Variants in RPGRIP1L observed in about 807,000 individuals in gnomAD.
RPGRIP1L encodes the protein RPGRIP1 like.
Under a neutral mutation model 160.4 loss-of-function variants are expected in RPGRIP1L, and 131 were observed. That is an observed-to-expected ratio of 0.82 (90% confidence interval 0.71 to 0.94). The LOEUF (loss-of-function observed/expected upper bound fraction) is 0.94. Ranked by LOEUF, RPGRIP1L falls within the 40% of genes least tolerant of loss-of-function variation. The pLI is 0.00. For missense variants in RPGRIP1L, 1,522 were observed against 1,535.8 expected, an observed-to-expected ratio of 0.99 and a Z score of 0.15; for synonymous variants, 510 against 515.8, an observed-to-expected ratio of 0.99 and a Z score of 0.15.
At chr16:53,608,164 C>T (rs1963802883) in intron 25 of RPGRIP1L, among the ~76,000 whole-genome samples, 2 of 152,160 alleles carry the variant, frequency 1.3e-5, no homozygotes, top group African/African-American at 4.8e-5. Flanking sequence ...ACACATCTCT[C>T]TATACTCCTT....
chr16:53,605,773 G>A (rs537866091), intron 25 of RPGRIP1L, among the ~76,000 whole-genome samples, 159 bp from the exon 26 acceptor site: 1 of 152,288 alleles, frequency 6.6e-6, no homozygotes, highest in East Asian at 1.9e-4. Context: ...GTTATTATAT[G>A]AACTATTAGA....
chr16:53,670,926 C>T (rs1968663969), intron 9 of RPGRIP1L, among the ~76,000 whole-genome samples: 1 of 152,016 alleles, frequency 6.6e-6, no homozygotes, highest in Non-Finnish European at 1.5e-5. Context: ...AAGAACTCGT[C>T]ACTACCAAAA....
At chr16:53,693,925 A>T (rs917561617) in intron 3 of RPGRIP1L, 2 of 152,236 alleles carry the variant, frequency 1.3e-5, no homozygotes, top group Non-Finnish European at 2.9e-5. Context: ...GATTTAATAT[A>T]AAAAGGCAGT....
At chr16:53,608,187 TC>T (rs1169842178) in intron 25 of RPGRIP1L, among the ~76,000 whole-genome samples, 1 of 152,330 alleles carries the variant, frequency 6.6e-6, no homozygotes, top group East Asian at 1.9e-4. Flanking sequence ...TGCCTGGAGT[TC>T]CCTTTGCCCG....
intron 17 of RPGRIP1L, among the ~76,000 whole-genome samples, chr16:53,642,695 G>C (rs1201372110): frequency 6.6e-6 from 1 of 152,160 alleles, no homozygotes. Context: ...AGTAAGAACA[G>C]TAGGAATCTG....
At chr16:53,603,107 T>C (rs998585652) in intron 26 of RPGRIP1L, among the ~76,000 whole-genome samples, 11 of 152,082 alleles carry the variant, frequency 7.2e-5, no homozygotes, top group African/African-American at 2.7e-4. Flanking sequence ...TCCCCAAGTG[T>C]TAGGATTAGA....
intron 8 of RPGRIP1L, among the ~76,000 whole-genome samples, chr16:53,672,293 GA>G (rs902270136): frequency 2.0e-5 from 3 of 151,938 alleles, no homozygotes; most frequent in Admixed American, 6.6e-5. Context: ...TCCATTTTCA[GA>G]ATTCTCTTTT....
At chr16:53,653,257 A>C in intron 14 of RPGRIP1L, 9 of 895,140 alleles carry the variant, frequency 1.0e-5, no homozygotes, top group Non-Finnish European at 1.1e-5. Context: ...AAAAGAAGAA[A>C]AGCGCTCTTA....
At chr16:53,700,594 C>T in intron 2 of RPGRIP1L, 45 bp downstream of exon 2, 2 of 1,410,680 alleles carry the variant, frequency 1.4e-6, no homozygotes, top group Non-Finnish European at 2.0e-6. Flanking sequence ...TAAAAGTAGT[C>T]AGTGATCAAA....
chr16:53,640,266 T>C (rs527587306), intron 19 of RPGRIP1L, among the ~76,000 whole-genome samples: 14 of 152,086 alleles, frequency 9.2e-5, no homozygotes, highest in African/African-American at 3.4e-4. Flanking sequence ...TAATCAGGAG[T>C]TTGGTTTCTG....
intron 22 of RPGRIP1L, among the ~76,000 whole-genome samples, chr16:53,627,041 T>C (rs908352799): frequency 2.0e-5 from 3 of 152,220 alleles, no homozygotes; most frequent in African/African-American, 7.2e-5. Flanking sequence ...CTTTGGATCA[T>C]ATTTTTCTAT....
rs748738552 is a variant in RPGRIP1L, at chr16:53,671,607, A to G, written c.1030-24T>C. On this transcript the variant is annotated intron_variant, in intron 8 of 26. Transcript: ENST00000647211. ...AGCTAAAATGAAAATAAAATTACATATTAAGTAAATATTATATAAAACCAC... is the reference window on the plus strand; with the variant it reads ...AGCTAAAATGAAAATAAAATTACATGTTAAGTAAATATTATATAAAACCAC... The G allele has an allele frequency of 4.8e-6, 6 of 1,253,524 alleles. No individual in the cohort carries two copies. The Admixed American group carries it at 5.4e-5, about 11-fold the overall frequency. The allele number at this position is 1,253,524 out of a possible 1,614,324, so 77.7% of individuals were successfully genotyped here.
chr16:53,697,358 C>T (rs1021170739), intron 2 of RPGRIP1L, among the ~76,000 whole-genome samples: 5 of 136,932 alleles, frequency 3.7e-5, no homozygotes, highest in African/African-American at 1.2e-4. Context: ...CTCCCTCTCC[C>T]CACGGTCTCC....
intron 2 of RPGRIP1L, 30 bp from the exon 3 acceptor site, chr16:53,696,325 A>C: frequency 6.2e-7 from 1 of 1,611,290 alleles, no homozygotes; most frequent in Non-Finnish European, 8.5e-7. Context: ...ATTAATTGTG[A>C]GGTTACTTAA....
At chr16:53,647,087 A>G (rs1222555110) in intron 16 of RPGRIP1L, among the ~76,000 whole-genome samples, 2 of 152,196 alleles carry the variant, frequency 1.3e-5, no homozygotes, top group Non-Finnish European at 2.9e-5. Flanking sequence ...GCTTTAAACT[A>G]CAAAACCAAA....
At chr16:53,677,391 T>C (rs1158473961) in intron 6 of RPGRIP1L, among the ~76,000 whole-genome samples, 1 of 152,226 alleles carries the variant, frequency 6.6e-6, no homozygotes, top group Non-Finnish European at 1.5e-5. Context: ...AAGTCTTTAA[T>C]AATTACTTTT....
At chr16:53,615,472 A>ATATATTT (rs1343321461) in intron 24 of RPGRIP1L, among the ~76,000 whole-genome samples, 1 of 75,080 alleles carries the variant, frequency 1.3e-5, no homozygotes, top group African/African-American at 5.3e-5. Context: ...ATATATATAT[A>ATATATTT]TTTTTTTTTT....
intron 17 of RPGRIP1L, among the ~76,000 whole-genome samples, chr16:53,644,911 G>A (rs1353945241): frequency 6.6e-6 from 1 of 152,024 alleles, no homozygotes; most frequent in Non-Finnish European, 1.5e-5. Flanking sequence ...ACCAATAAAG[G>A]TAATTACATA....
chr16:53,667,646 G>A (rs1462265880), intron 9 of RPGRIP1L, among the ~76,000 whole-genome samples: 3 of 152,170 alleles, frequency 2.0e-5, no homozygotes, highest in African/African-American at 7.2e-5. Context: ...GCCGAGGTGG[G>A]CAGATCACTT....
Sources: gnomAD v4.1 joint callset for allele counts (sites outside exome capture counted in the v4.1 genomes callset) on GRCh38, gnomAD v4.1.1 for gene constraint, MANE v1.5 for transcripts, NCBI Gene and HGNC (gene_info 2026-07-23, HGNC 2026-07-21) for gene names.